The following CREBBP variants were observed in gnomAD, a reference collection of about 807,000 sequenced individuals.
The protein encoded by CREBBP is CREB-binding protein.
Under a neutral mutation model 265.0 loss-of-function variants are expected in CREBBP, and 19 were observed. The ratio of observed to expected loss-of-function variants is 0.07; its 90% CI spans 0.05 to 0.11. The LOEUF is 0.11. CREBBP is among the 10% of genes least tolerant of loss of function. CREBBP has a pLI of 1.00. For missense variants in CREBBP, 2,525 were observed against 3,219.0 expected (o/e 0.78, Z 5.22); for synonymous variants, 1,457 against 1,223.7 (o/e 1.19, Z -3.98).
rs2141233054 is a variant in CREBBP at position 3,778,052 on chromosome 16, T to A, written c.2072A>T (p.Gln691Leu). The A allele has an allele frequency of 6.2e-7, 1 of 1,614,278 alleles. No homozygotes were observed. The change falls in exon 10 of 31, where the codon CAG (glutamine) becomes CTG (leucine). Residue 691 changes from glutamine (Q) to leucine (L), a missense_variant. This residue lies in a region of CREBBP where 548 missense variants were observed against 533.0 expected (regional missense o/e 1.03). Transcript: ENST00000262367. ...TTGTGCCTGTGGAATCACAGGGGGC[T>A]GAGCCCCCGGGGCTGGTAAGGCTGG... is the stretch of plus-strand genomic sequence containing the variant. ...NQPALPAPGA[Q>L]PPVIPQAQPV...
intron 22 of CREBBP, 64 bp downstream of exon 22, chr16:3,745,213 A>C: frequency 7.1e-7 from 1 of 1,416,914 alleles, no homozygotes; most frequent in Non-Finnish European, 9.9e-7. Context: ...TGCAGTAGCC[A>C]CTGCAACTGC....
chr16:3,784,624 A>G (rs1212860657), intron 5 of CREBBP: 3 of 152,246 alleles, frequency 2.0e-5, no homozygotes, highest in Admixed American at 1.3e-4. Flanking sequence ...ACAGGGCTAC[A>G]CTATATTTAA....
intron 2 of CREBBP, among the ~76,000 whole-genome samples, chr16:3,841,315 C>T (rs965119115): frequency 2.0e-5 from 3 of 151,766 alleles, no homozygotes; most frequent in African/African-American, 7.3e-5. Context: ...AACCCAACAC[C>T]GAGAATTTGA....
chr16:3,773,597 C>G, intron 13 of CREBBP, 154 bp downstream of exon 13: 1 of 798,070 alleles, frequency 1.3e-6, no homozygotes, highest in Non-Finnish European at 2.0e-6. Context: ...GACTACAGGA[C>G]AAAGGTGGAG....
At chr16:3,787,027 C>T (rs942356020) in intron 5 of CREBBP, among the ~76,000 whole-genome samples, 4 of 150,328 alleles carry the variant, frequency 2.7e-5, no homozygotes, top group Middle Eastern at 3.4e-3. Context: ...ACTAAGATCG[C>T]GCCACTGCAC....
At chr16:3,757,233 C>T (rs927331572) in intron 19 of CREBBP, 55 bp downstream of exon 19, 1 of 1,366,508 alleles carries the variant, frequency 7.3e-7, no homozygotes, top group African/African-American at 1.4e-5. Flanking sequence ...CAGACTATAA[C>T]CAGATGAACG....
Position 3,844,890 on chromosome 16 carries a change from T to G in CREBBP, c.798+5407A>C, listed in dbSNP as rs190886428. On this transcript the variant is annotated intron_variant, in intron 2 of 30. Transcript: ENST00000262367. ...CAGAAATAAACTTAGTAAGAAAGATTTATTACACAGATAAAGAAAACCATA... is the reference window on the plus strand; with the variant it reads ...CAGAAATAAACTTAGTAAGAAAGATGTATTACACAGATAAAGAAAACCATA... Among the ~76,000 whole-genome samples the G allele has an allele frequency of 1.8e-3, 274 of 152,108 alleles. 4 individuals are homozygous for G. The highest frequency in any genetic ancestry group is 6.3e-3 in the African/African-American group (261 of 41,490).
chr16:3,786,652 C>T (rs1053965155), intron 5 of CREBBP, among the ~76,000 whole-genome samples: 1 of 152,118 alleles, frequency 6.6e-6, no homozygotes, highest in Non-Finnish European at 1.5e-5. Flanking sequence ...ACAGTGCTTG[C>T]GGGAGGCGAA....
intron 2 of CREBBP, among the ~76,000 whole-genome samples, chr16:3,817,670 G>T (rs890167623): frequency 6.6e-6 from 1 of 152,206 alleles, no homozygotes; most frequent in African/African-American, 2.4e-5. Context: ...CAAAATAGAA[G>T]TATTTCCCCA....
At chr16:3,779,166 C>CA (rs1235447815) in intron 8 of CREBBP, among the ~76,000 whole-genome samples, 1 of 143,946 alleles carries the variant, frequency 6.9e-6, no homozygotes, top group East Asian at 2.1e-4. Flanking sequence ...GACTCCATAC[C>CA]AAAAAAAGAA....
chr16:3,787,797 T>C (rs544716597), intron 5 of CREBBP, among the ~76,000 whole-genome samples: 1 of 152,176 alleles, frequency 6.6e-6, no homozygotes, highest in South Asian at 2.1e-4. Context: ...CACCTCAGGA[T>C]ACCGAGTAGC....
At chr16:3,735,086 G>A (rs1020553844) in intron 28 of CREBBP, among the ~76,000 whole-genome samples, 2 of 152,052 alleles carry the variant, frequency 1.3e-5, no homozygotes, top group Non-Finnish European at 2.9e-5. Context: ...CCAGACAGCC[G>A]CACAAACCCG....
chr16:3,802,829 C>T (rs919615726), intron 3 of CREBBP, among the ~76,000 whole-genome samples: 3 of 152,098 alleles, frequency 2.0e-5, no homozygotes, highest in African/African-American at 7.2e-5. Flanking sequence ...CTATGCTCCT[C>T]GGATACTCCC....
At chr16:3,771,038 T>G (rs184372601) in intron 13 of CREBBP, 52 bp from the exon 14 acceptor site, 1 of 1,602,072 alleles carries the variant, frequency 6.2e-7, no homozygotes, top group Non-Finnish European at 8.5e-7. Context: ...TTTGAAAATG[T>G]GATGAAACAT....
chr16:3,810,790 A>G lies in CREBBP; in HGVS notation c.799-11T>C, dbSNP rs1055306428. On this transcript the variant is annotated splice_polypyrimidine_tract_variant and intron_variant, in intron 2 of 30. Coordinates refer to ENST00000262367, the MANE Select transcript of CREBBP (RefSeq NM_004380.3). ...CCCAGTTATTCCCATCTGAAACAAA[A>G]AAGAGGTAACATCAGCTGTGGTGAC... 1 of 1,613,768 alleles carries G rather than the reference A, an allele frequency of 6.2e-7. No homozygotes were observed. The highest frequency in any genetic ancestry group is 8.5e-7 in the Non-Finnish European group (1 of 1,179,978).
At chr16:3,804,112 A>C (rs2053781120) in intron 3 of CREBBP, among the ~76,000 whole-genome samples, 1 of 151,934 alleles carries the variant, frequency 6.6e-6, no homozygotes, top group African/African-American at 2.4e-5. Context: ...CCAACCAACC[A>C]AAGAAACAAC....
At chr16:3,785,266 G>A (rs1352691529) in intron 5 of CREBBP, among the ~76,000 whole-genome samples, 1 of 149,094 alleles carries the variant, frequency 6.7e-6, no homozygotes, top group African/African-American at 2.5e-5. Context: ...TCCTGTACCC[G>A]CTTGTCTTTA....
chr16:3,780,681 C>A (rs769886014), intron 8 of CREBBP, 51 bp downstream of exon 8: 2 of 1,601,466 alleles, frequency 1.2e-6, no homozygotes, highest in African/African-American at 2.7e-5. Context: ...AGCCAATGGG[C>A]AACACAGGAA....
intron 3 of CREBBP, among the ~76,000 whole-genome samples, chr16:3,802,800 A>T (rs533078552): frequency 6.6e-6 from 1 of 152,074 alleles, no homozygotes; most frequent in Non-Finnish European, 1.5e-5. Flanking sequence ...AACCTTCCAC[A>T]TCGCAACAGG....
Sources: gnomAD v4.1 joint callset for allele counts (sites outside exome capture counted in the v4.1 genomes callset) on GRCh38, gnomAD v4.1.1 for gene constraint, gnomAD v4.1.1 regional missense constraint, MANE v1.5 for transcripts, NCBI Gene and HGNC (gene_info 2026-07-23, HGNC 2026-07-21) for gene names.